Variants in NAALADL2 observed in about 807,000 individuals in gnomAD.
NAALADL2 encodes the protein N-acetylated alpha-linked acidic dipeptidase like 2.
In NAALADL2, 76 loss-of-function variants were observed where a neutral mutation model predicts 87.2. The ratio of observed to expected loss-of-function variants is 0.87; its 90% CI spans 0.72 to 1.05. The LOEUF is 1.05. Ranked by LOEUF, NAALADL2 falls within the 50% of genes least tolerant of loss-of-function variation. NAALADL2 has a pLI of 0.00. For synonymous variants in NAALADL2, 354 were observed against 331.0 expected, an observed-to-expected ratio of 1.07 and a Z score of -0.75; for missense variants, 1,089 against 945.8, an observed-to-expected ratio of 1.15 and a Z score of -1.99.
At chr3:175,137,032 T>C (rs1729215102) in intron 2 of NAALADL2, among the ~76,000 whole-genome samples, 1 of 152,172 alleles carries the variant, frequency 6.6e-6, no homozygotes, top group South Asian at 2.1e-4. Flanking sequence ...AACTTAATGA[T>C]GGAATTTGTT....
chr3:174,830,510 C>G (rs1332291687), intron 3 of NAALADL2, among the ~76,000 whole-genome samples: 1 of 151,660 alleles, frequency 6.6e-6, no homozygotes, highest in Non-Finnish European at 1.5e-5. Context: ...GTTTTGGTTA[C>G]TGTAGCCTTG....
At chr3:175,152,304 C>T (rs1434379706) in intron 2 of NAALADL2, among the ~76,000 whole-genome samples, 5 of 151,992 alleles carry the variant, frequency 3.3e-5, no homozygotes, top group Non-Finnish European at 5.9e-5. Flanking sequence ...CCTAATAGGC[C>T]ATCCCATGGT....
intron 11 of NAALADL2, among the ~76,000 whole-genome samples, chr3:175,728,812 G>A (rs148545063): frequency 1.8e-3 from 267 of 152,146 alleles, no homozygotes; most frequent in Non-Finnish European, 3.2e-3. Context: ...TGAGTTTTAG[G>A]GTTTTCTGAC....
intron 2 of NAALADL2, among the ~76,000 whole-genome samples, chr3:174,563,497 A>C (rs761816411): frequency 6.6e-6 from 1 of 151,672 alleles, no homozygotes; most frequent in Non-Finnish European, 1.5e-5. Context: ...ATTTGGATTA[A>C]TTTATTCAGA....
chr3:175,220,062 T>C (rs1743127301), intron 2 of NAALADL2, among the ~76,000 whole-genome samples: 1 of 151,702 alleles, frequency 6.6e-6, no homozygotes, highest in Admixed American at 6.6e-5. Context: ...AAATCATCCT[T>C]GCATTACTAA....
At chr3:175,396,048 G>A (rs1170189276) in intron 5 of NAALADL2, among the ~76,000 whole-genome samples, 1 of 152,046 alleles carries the variant, frequency 6.6e-6, no homozygotes, top group Non-Finnish European at 1.5e-5. Context: ...GCATAGATGG[G>A]TAAATTTTAT....
intron 1 of NAALADL2, among the ~76,000 whole-genome samples, chr3:175,001,923 G>C (rs1284105455): frequency 6.6e-6 from 1 of 152,012 alleles, no homozygotes; most frequent in Non-Finnish European, 1.5e-5. Context: ...TTCTTTAGTG[G>C]GTGGCCAAGG....
chr3:174,500,393 T>C (rs1044213250), intron 1 of NAALADL2, among the ~76,000 whole-genome samples: 1 of 152,138 alleles, frequency 6.6e-6, no homozygotes. Context: ...TTTTGGCTCT[T>C]CCTTCCCAAT....
chr3:175,604,424 C>G (rs999703690), intron 10 of NAALADL2, among the ~76,000 whole-genome samples: 1 of 151,526 alleles, frequency 6.6e-6, no homozygotes, highest in Non-Finnish European at 1.5e-5. Context: ...CTGCCTCAGC[C>G]TCCCGAGTAG....
intron 1 of NAALADL2, chr3:174,863,724 T>C (rs766671667): frequency 9.1e-5 from 18 of 196,730 alleles, no homozygotes; most frequent in Non-Finnish European, 1.7e-4. Context: ...TATCTCTGTA[T>C]TCATCATCAG....
intron 2 of NAALADL2, among the ~76,000 whole-genome samples, chr3:174,631,126 T>C (rs774593886): frequency 1.3e-5 from 2 of 152,230 alleles, no homozygotes; most frequent in Non-Finnish European, 2.9e-5. Flanking sequence ...GATTACATGT[T>C]GTTTACTGTA....
At chr3:174,557,905 A>C (rs770045496) in intron 2 of NAALADL2, among the ~76,000 whole-genome samples, 1 of 152,252 alleles carries the variant, frequency 6.6e-6, no homozygotes, top group South Asian at 2.1e-4. Context: ...GGAAGCACTT[A>C]ATTCCTCCAG....
intron 9 of NAALADL2, among the ~76,000 whole-genome samples, chr3:175,547,531 T>C (rs1373141057): frequency 1.3e-5 from 2 of 152,186 alleles, no homozygotes; most frequent in South Asian, 2.1e-4. Context: ...TCAAAAGCAA[T>C]TGTAACAAAA....
chr3:175,106,612 C>T (rs1044346213), intron 2 of NAALADL2, among the ~76,000 whole-genome samples: 2 of 152,018 alleles, frequency 1.3e-5, no homozygotes, highest in Admixed American at 1.3e-4. Flanking sequence ...GACACTCATG[C>T]TATAGAAAAG....
intron 1 of NAALADL2, among the ~76,000 whole-genome samples, chr3:174,489,858 G>A (rs146828168): frequency 3.1e-4 from 47 of 151,956 alleles, no homozygotes; most frequent in East Asian, 2.1e-3. Context: ...AGCAAGTATC[G>A]TACCCTTATA....
intron 1 of NAALADL2, among the ~76,000 whole-genome samples, chr3:175,042,069 T>C (rs960865555): frequency 3.9e-5 from 6 of 152,158 alleles, no homozygotes; most frequent in African/African-American, 1.4e-4. Flanking sequence ...TGACCAACTT[T>C]TCTCCATTTC....
At position 175,187,002 on chromosome 3, in the gene NAALADL2, C is replaced by T. The variant is rs546256415; in HGVS notation, c.546-46929C>T. On this transcript the variant is annotated intron_variant, in intron 2 of 13. Coordinates refer to ENST00000454872, the MANE Select transcript of NAALADL2 (RefSeq NM_207015.3). The stretch of plus-strand genomic sequence containing the variant: ...TTTAGTTCACTATTTCATTTTCTGT[C>T]TTTTATTTTATAATAAATAAAATCA... 5.9e-5 allele frequency among the ~76,000 whole-genome samples: 9 copies of T among 152,132 alleles called. 1 individual carries two copies. In the East Asian group the frequency reaches 1.7e-3, roughly 29 times the overall value.
intron 2 of NAALADL2, among the ~76,000 whole-genome samples, chr3:174,732,178 A>T (rs1469163010): frequency 2.0e-5 from 3 of 152,140 alleles, no homozygotes; most frequent in Admixed American, 6.6e-5. Context: ...GAGCTATGAC[A>T]TGTGGAGGAT....
intron 3 of NAALADL2, among the ~76,000 whole-genome samples, chr3:174,741,437 T>C (rs1273055133): frequency 6.6e-6 from 1 of 151,666 alleles, no homozygotes; most frequent in African/African-American, 2.4e-5. Context: ...GTAAAATAAA[T>C]ATTTAAATGT....
Sources: allele counts gnomAD v4.1 joint callset (sites outside exome capture counted in the v4.1 genomes callset), GRCh38; gene constraint gnomAD v4.1.1; transcripts MANE v1.5; gene names NCBI Gene and HGNC (gene_info 2026-07-23, HGNC 2026-07-21).